The following SYNGR1 variants were observed in gnomAD, a reference collection of about 807,000 sequenced individuals.
SYNGR1 encodes the protein synaptogyrin 1.
Under a neutral mutation model 26.1 loss-of-function variants are expected in SYNGR1, and 14 were observed. The observed-to-expected ratio is 0.54, with a 90% CI of 0.35 to 0.84. The LOEUF (loss-of-function observed/expected upper bound fraction) is 0.84, where lower values mean the gene tolerates loss of function less well. Among genes scored for constraint, SYNGR1 ranks in the 40% least tolerant of loss-of-function variants. The pLI, the probability that SYNGR1 is intolerant of heterozygous loss-of-function variation, is 0.01. For synonymous variants in SYNGR1, 141 were observed against 150.1 expected (o/e 0.94, Z 0.44); for missense variants, 319 against 332.9 (o/e 0.96, Z 0.33).
At chr22:39,378,971 C>G (rs1036395602) in intron 3 of SYNGR1, among the ~76,000 whole-genome samples, 5 of 152,360 alleles carry the variant, frequency 3.3e-5, no homozygotes, top group African/African-American at 1.2e-4. Flanking sequence ...TAGGGGTCAT[C>G]TGCTCCAGCC....
Position 39,358,194 on chromosome 22 carries a change from G to A in SYNGR1, c.99+8085G>A, listed in dbSNP as rs552153514. Among the ~76,000 whole-genome samples, 5 of 152,326 alleles carry A rather than the reference G, an allele frequency of 3.3e-5. No individual in the cohort carries two copies. The East Asian group carries it at 9.7e-4, about 29-fold the overall frequency. Reference sequence around the variant, plus strand: ...ACTCTGTATCTAGCTGCTCTGGTGGGGCCTTGGAGAACCTGTGTGTCCAAA... The same window carrying A: ...ACTCTGTATCTAGCTGCTCTGGTGGAGCCTTGGAGAACCTGTGTGTCCAAA... On this transcript the variant is annotated intron_variant, in intron 1 of 3. Transcript: ENST00000328933.
chr22:39,357,199 G>A (rs1199064256), intron 1 of SYNGR1, among the ~76,000 whole-genome samples: 11 of 152,098 alleles, frequency 7.2e-5, no homozygotes, highest in African/African-American at 9.7e-5. Flanking sequence ...CCAGGAGGCG[G>A]AGGTTGCAGT....
intron 1 of SYNGR1, among the ~76,000 whole-genome samples, chr22:39,370,719 G>A (rs1055376310): frequency 2.0e-5 from 3 of 151,378 alleles, no homozygotes; most frequent in African/African-American, 4.9e-5. Context: ...CCAGGTTCAA[G>A]CCATTCTCCT....
At chr22:39,362,816 T>C (rs1308059743) in intron 1 of SYNGR1, among the ~76,000 whole-genome samples, 1 of 152,064 alleles carries the variant, frequency 6.6e-6, no homozygotes, top group Non-Finnish European at 1.5e-5. Flanking sequence ...ATGATTCTCC[T>C]TTCTACCCCC....
chr22:39,369,743 G>A (rs1269986260), intron 1 of SYNGR1, among the ~76,000 whole-genome samples: 1 of 152,226 alleles, frequency 6.6e-6, no homozygotes, highest in Non-Finnish European at 1.5e-5. Context: ...TGGTGAGGCT[G>A]CAGAGCCTGT....
At position 39,383,309 on chromosome 22, in the gene SYNGR1, G is replaced by T. The variant is rs945966511; in HGVS notation, c.*1395G>T. 1 of 152,428 alleles carries T rather than the reference G, an allele frequency of 6.6e-6. No homozygotes were observed. Among genetic ancestry groups the T allele is most frequent in the Non-Finnish European group, 1.5e-5 (1 of 68,126 alleles). 9.4% of individuals were successfully genotyped at this position (152,428 alleles called of 1,614,324 possible). On this transcript the variant is annotated 3_prime_UTR_variant, in exon 4 of 4. Coordinates refer to ENST00000328933, the MANE Select transcript of SYNGR1 (RefSeq NM_004711.5). ...GGCCGTGGAGAGACACTGCCCCCAGGATGACACAGGCAAGAGCCCCTGAGG... is the reference window on the plus strand; with the variant it reads ...GGCCGTGGAGAGACACTGCCCCCAGTATGACACAGGCAAGAGCCCCTGAGG...
In SYNGR1 at chr22:39,374,352, G is replaced by A. The variant is rs1406795287; in HGVS notation, c.136G>A (p.Glu46Lys). Residue 46 changes from glutamate to lysine, a missense_variant, in exon 2 of 4, where the codon GAG becomes AAG. Glu to Lys is a moderately conservative substitution (Grantham distance 56). Coordinates refer to ENST00000328933, the MANE Select transcript of SYNGR1 (RefSeq NM_004711.5). ...SIVVFGSIVNEGYLNSASEGE... is the reference protein window; with the variant it reads ...SIVVFGSIVNKGYLNSASEGE... ...AGTGGTGTTCGGCTCCATCGTGAAC[G>A]AGGGCTACCTCAACAGCGCCTCCGA... 4 of 1,614,044 alleles carry A rather than the reference G, an allele frequency of 2.5e-6. No homozygotes were observed. In the South Asian group the frequency reaches 3.3e-5, roughly 13 times the overall value.
Position 39,374,502 on chromosome 22 carries a change from A to G in SYNGR1, c.286A>G (p.Ser96Gly), listed in dbSNP as rs201445314. ...CCTGGACGTGTACTTCCCGCAGATC[A>G]GCAGCGTCAAGGACCGCAAGAAAGC... is the stretch of plus-strand genomic sequence containing the variant. ...LALDVYFPQI[S>G]SVKDRKKAVL... Residue 96 changes from serine to glycine, a missense_variant, in exon 2 of 4, where the codon AGC becomes GGC. Ser to Gly is a moderately conservative substitution (Grantham distance 56). Transcript: ENST00000328933. The G allele has an allele frequency of 4.3e-6, 7 of 1,613,718 alleles. No individual in the cohort carries two copies. Among genetic ancestry groups the G allele is most frequent in the Non-Finnish European group, 5.9e-6 (7 of 1,180,018 alleles).
intron 3 of SYNGR1, 163 bp downstream of exon 3, chr22:39,376,360 GC>G: frequency 8.0e-7 from 1 of 1,243,734 alleles, no homozygotes; most frequent in Non-Finnish European, 1.1e-6. Context: ...CAGTGGTGCT[GC>G]CTCCCTCAGC....
intron 1 of SYNGR1, among the ~76,000 whole-genome samples, chr22:39,366,157 G>A (rs1004416313): frequency 6.6e-6 from 1 of 150,692 alleles, no homozygotes; most frequent in South Asian, 2.1e-4. Context: ...TAGAGATGGG[G>A]TTTCACCATG....
intron 3 of SYNGR1, among the ~76,000 whole-genome samples, chr22:39,378,918 G>A (rs1236664068): frequency 6.6e-6 from 1 of 152,256 alleles, no homozygotes; most frequent in African/African-American, 2.4e-5. Context: ...CACAGAGACA[G>A]TATGAGTGCC....
chr22:39,376,148 A>G lies in SYNGR1; in HGVS notation c.434A>G (p.Asp145Gly). ...PKDNPLNEGT[D>G]AARAAIAFSF... Reference sequence around the variant, plus strand: ...GACAACCCACTGAACGAAGGGACGGACGCAGCCCGGGCCGCCATCGCCTTC... The same window carrying G: ...GACAACCCACTGAACGAAGGGACGGGCGCAGCCCGGGCCGCCATCGCCTTC... The change falls in exon 3 of 4, where the codon GAC becomes GGC. Residue 145 changes from aspartate to glycine, a missense_variant. Coordinates refer to ENST00000328933, the MANE Select transcript of SYNGR1 (RefSeq NM_004711.5). 1 of 1,614,160 alleles carries G rather than the reference A, an allele frequency of 6.2e-7. No individual in the cohort carries two copies. Among genetic ancestry groups the G allele is most frequent in the East Asian group, 2.2e-5 (1 of 44,872 alleles).
Position 39,376,194 on chromosome 22 carries a change from C to G in SYNGR1, c.480C>G (p.Thr160=), listed in dbSNP as rs1196358018. ...AIAFSFFSIF[T]WAGQAVLAFQ... is the part of the protein sequence containing the mutation. ...CCTTCTCCTTTTTCTCCATCTTCACCTGGGTGAGTACAGCCACCGCGCACC... is the reference window on the plus strand; with the variant it reads ...CCTTCTCCTTTTTCTCCATCTTCACGTGGGTGAGTACAGCCACCGCGCACC... The change falls in exon 3 of 4, where the codon ACC becomes ACG. Residue 160 remains threonine, a synonymous_variant. Coordinates refer to ENST00000328933, the MANE Select transcript of SYNGR1 (RefSeq NM_004711.5). 1 of 1,614,106 alleles carries G rather than the reference C, an allele frequency of 6.2e-7. No homozygotes were observed. The highest frequency in any genetic ancestry group is 2.2e-5 in the East Asian group (1 of 44,860).
chr22:39,371,617 T>G (rs1273115739), intron 1 of SYNGR1, among the ~76,000 whole-genome samples: 1 of 150,442 alleles, frequency 6.6e-6, no homozygotes, highest in Admixed American at 6.7e-5. Context: ...ATGACGAAAC[T>G]CCATCTCTAC....
chr22:39,375,950 T>C (rs1925261523), intron 2 of SYNGR1, 102 bp from the exon 3 acceptor site: 2 of 1,506,442 alleles, frequency 1.3e-6, no homozygotes, highest in Non-Finnish European at 1.8e-6. Context: ...GGAGATGCAC[T>C]CTTGAATGTC....
rs1925592800 is a variant in SYNGR1, at chr22:39,384,373, GC to G, written c.*2461del. On this transcript the variant is annotated 3_prime_UTR_variant, in exon 4 of 4. Transcript: ENST00000328933. ...GGCAGGGAAAGCTGTCAAGACTCCT[GC>G]CAGGAATGGGGGGTGCTGAGTCATC... 1 of 397,332 alleles carries G rather than the reference GC, an allele frequency of 2.5e-6. No homozygotes were observed. Among genetic ancestry groups the G allele is most frequent in the South Asian group, 1.4e-4 (1 of 7,022 alleles). 24.6% of individuals were successfully genotyped at this position (397,332 alleles called of 1,614,324 possible).
At chr22:39,366,852 C>T (rs1428177090) in intron 1 of SYNGR1, among the ~76,000 whole-genome samples, 1 of 152,204 alleles carries the variant, frequency 6.6e-6, no homozygotes, top group African/African-American at 2.4e-5. Context: ...AGCTGCTCTT[C>T]AGCCTGCAGT....
intron 3 of SYNGR1, chr22:39,377,664 C>G: frequency 6.2e-7 from 1 of 1,613,970 alleles, no homozygotes; most frequent in Non-Finnish European, 8.5e-7. Context: ...GTACAGCACA[C>G]TGTTCCCTGC....
At chr22:39,355,457 C>A (rs370310068) in intron 1 of SYNGR1, among the ~76,000 whole-genome samples, 1 of 152,238 alleles carries the variant, frequency 6.6e-6, no homozygotes, top group East Asian at 1.9e-4. Context: ...CCGGCCGCTC[C>A]GCCGCTTCTT....
Sources: gnomAD v4.1 joint callset for allele counts (sites outside exome capture counted in the v4.1 genomes callset) on GRCh38, gnomAD v4.1.1 for gene constraint, MANE v1.5 for transcripts, NCBI Gene and HGNC (gene_info 2026-07-23, HGNC 2026-07-21) for gene names.